Variants in CSMD1 observed in about 807,000 individuals in gnomAD.
CSMD1 encodes CUB and sushi domain-containing protein 1.
CSMD1 carries 213 observed loss-of-function variants against 417.5 expected under a neutral mutation model. That is an observed-to-expected ratio of 0.51 (90% confidence interval 0.46 to 0.57). CSMD1 has a LOEUF of 0.57. Among genes scored for constraint, CSMD1 ranks in the 20% least tolerant of loss-of-function variants. The pLI, the probability that CSMD1 is intolerant of heterozygous loss-of-function variation, is 0.00. For missense variants in CSMD1, 6,923 were observed against 4,529.7 expected, an observed-to-expected ratio of 1.53 and a Z score of -15.17; for synonymous variants, 2,862 against 1,736.8, an observed-to-expected ratio of 1.65 and a Z score of -16.11.
intron 3 of CSMD1, among the ~76,000 whole-genome samples, chr8:4,047,794 A>C (rs1798225938): frequency 6.6e-6 from 1 of 152,202 alleles, no homozygotes; most frequent in South Asian, 2.1e-4. Flanking sequence ...GCAATTTTAC[A>C]TTAGGTAGTC....
At chr8:3,753,767 G>C (rs1182095685) in intron 6 of CSMD1, among the ~76,000 whole-genome samples, 163 bp downstream of exon 6, 1 of 152,150 alleles carries the variant, frequency 6.6e-6, no homozygotes, top group East Asian at 1.9e-4. Flanking sequence ...TTACTAATAA[G>C]TTCCCAGCTG....
chr8:4,221,848 A>G (rs1479802557), intron 3 of CSMD1, among the ~76,000 whole-genome samples: 1 of 152,174 alleles, frequency 6.6e-6, no homozygotes, highest in Non-Finnish European at 1.5e-5. Context: ...AGGAATTCTT[A>G]TTACACTCAG....
intron 30 of CSMD1, among the ~76,000 whole-genome samples, chr8:3,212,045 T>C (rs1024806354): frequency 1.3e-5 from 2 of 152,088 alleles, no homozygotes; most frequent in African/African-American, 2.4e-5. Context: ...CCGTCCTGTT[T>C]TGGGGGCTGT....
chr8:4,001,763 C>G (rs556290520), intron 4 of CSMD1, among the ~76,000 whole-genome samples: 20 of 152,008 alleles, frequency 1.3e-4, no homozygotes, highest in African/African-American at 4.6e-4. Flanking sequence ...CAGGTAAGAC[C>G]AGAGCACTGA....
At chr8:3,297,165 C>A (rs948634968) in intron 25 of CSMD1, among the ~76,000 whole-genome samples, 2 of 152,040 alleles carry the variant, frequency 1.3e-5, no homozygotes, top group Non-Finnish European at 2.9e-5. Flanking sequence ...ATCATTGAGA[C>A]AAATCATACA....
chr8:3,735,312 CAAA>C (rs1796476397), intron 6 of CSMD1, among the ~76,000 whole-genome samples: 3 of 95,342 alleles, frequency 3.1e-5, no homozygotes, highest in Admixed American at 1.3e-4. Context: ...AAAAAACAAA[CAAA>C]ACACACAAAC....
At chr8:3,505,774 G>A (rs939168940) in intron 10 of CSMD1, among the ~76,000 whole-genome samples, 3 of 152,190 alleles carry the variant, frequency 2.0e-5, no homozygotes, top group Non-Finnish European at 2.9e-5. Flanking sequence ...GCTATTTTAT[G>A]TGAGAAGGAA....
intron 5 of CSMD1, among the ~76,000 whole-genome samples, chr8:3,772,167 CAT>C (rs375018980): frequency 2.2e-5 from 1 of 44,874 alleles, no homozygotes; most frequent in African/African-American, 7.4e-5. Flanking sequence ...GAAAGGGCAA[CAT>C]ATATATATAT....
At position 3,762,728 on chromosome 8, in the gene CSMD1, G is replaced by A. The variant is rs535562895; in HGVS notation, c.819-8686C>T. 1.6e-3 allele frequency among the ~76,000 whole-genome samples: 250 copies of A among 152,282 alleles called. No homozygotes were observed. The Middle Eastern group carries it at 0.017, about 10-fold the overall frequency. ...GTCCGTCTGCAAAGATGGTCGGGGG[G>A]AGCCAGGCCACAGCTCGGCTTGGTT... On this transcript the variant is annotated intron_variant, in intron 5 of 69. Coordinates refer to ENST00000635120, the MANE Select transcript of CSMD1 (RefSeq NM_033225.6).
At chr8:4,719,162 G>C (rs1306832924) in intron 1 of CSMD1, among the ~76,000 whole-genome samples, 1 of 152,140 alleles carries the variant, frequency 6.6e-6, no homozygotes, top group Non-Finnish European at 1.5e-5. Context: ...GAGAAAGGCA[G>C]GTGAAAAAAA....
chr8:4,449,832 C>G (rs776596430), intron 2 of CSMD1, among the ~76,000 whole-genome samples: 1 of 152,130 alleles, frequency 6.6e-6, no homozygotes, highest in Non-Finnish European at 1.5e-5. Context: ...CCTACGTTCC[C>G]TATCTCAGTA....
intron 3 of CSMD1, among the ~76,000 whole-genome samples, chr8:4,200,207 T>C (rs1013789722): frequency 1.3e-5 from 2 of 152,228 alleles, no homozygotes; most frequent in African/African-American, 2.4e-5. Context: ...AAATGTTATG[T>C]TATGAAATTC....
chr8:2,994,760 T>C (rs1806727593), intron 54 of CSMD1, among the ~76,000 whole-genome samples: 1 of 152,174 alleles, frequency 6.6e-6, no homozygotes, highest in Non-Finnish European at 1.5e-5. Flanking sequence ...AATTTTTAAT[T>C]TTTTTATTTT....
rs142374141 is a variant in CSMD1 at position 4,920,609 on chromosome 8, G to C, written c.85+73723C>G. 9.7e-3 allele frequency among the ~76,000 whole-genome samples: 1,474 copies of C among 152,128 alleles called. 14 individuals carry two copies. Among genetic ancestry groups the C allele is most frequent in the Middle Eastern group, 0.017 (5 of 294 alleles). On this transcript the variant is annotated intron_variant, in intron 1 of 69. Transcript: ENST00000635120. ...GGCTGAGGCAGGTGGATCACCTGAA[G>C]TCAGGAGTTTGAGACCAGCCTGACC...
chr8:4,466,756 A>C (rs1303038888), intron 2 of CSMD1, among the ~76,000 whole-genome samples: 1 of 152,202 alleles, frequency 6.6e-6, no homozygotes, highest in Non-Finnish European at 1.5e-5. Flanking sequence ...TACTATATTT[A>C]TCAAATTATA....
chr8:4,453,190 GACACACCC>G lies in CSMD1; in HGVS notation c.303-33133_303-33126del, dbSNP rs1333413897. On this transcript the variant is annotated intron_variant, in intron 2 of 69. Coordinates refer to ENST00000635120, the MANE Select transcript of CSMD1 (RefSeq NM_033225.6). ...GTTCCCCCCTCCATCCCAACACACA[GACACACCC>G]ACACAGACACACACAGAGACACACA... 7.0e-5 allele frequency among the ~76,000 whole-genome samples: 10 copies of G among 142,754 alleles called. 1 individual carries two copies. 93.7% of individuals were successfully genotyped at this position (142,754 alleles called of 152,430 possible).
At chr8:3,155,601 T>G (rs909847291) in intron 39 of CSMD1, among the ~76,000 whole-genome samples, 2 of 151,826 alleles carry the variant, frequency 1.3e-5, no homozygotes, top group Admixed American at 6.6e-5. Context: ...TCTCCTGACT[T>G]CGTGATCCAC....
chr8:4,989,124 T>C (rs1811330394), intron 1 of CSMD1, among the ~76,000 whole-genome samples: 1 of 152,232 alleles, frequency 6.6e-6, no homozygotes, highest in African/African-American at 2.4e-5. Flanking sequence ...TGTTCTGGAA[T>C]GGACAACTAG....
rs192968393 is a variant in CSMD1 at position 3,738,510 on chromosome 8, C to G, written c.931+15420G>C. ...AAGTTAGAGTTTTGATCCTGGTGAT[C>G]AGAAATGCAAATACTGGTCCTGCCG... is the stretch of plus-strand genomic sequence containing the variant. On this transcript the variant is annotated intron_variant, in intron 6 of 69. Coordinates refer to ENST00000635120, the MANE Select transcript of CSMD1 (RefSeq NM_033225.6). Among the ~76,000 whole-genome samples the G allele has an allele frequency of 1.8e-4, 27 of 152,232 alleles. No homozygotes were observed. The South Asian group carries it at 4.4e-3, about 25-fold the overall frequency.
Sources: allele counts gnomAD v4.1 joint callset (sites outside exome capture counted in the v4.1 genomes callset), GRCh38; gene constraint gnomAD v4.1.1; transcripts MANE v1.5; gene names NCBI Gene and HGNC (gene_info 2026-07-23, HGNC 2026-07-21).